Variants in VCAM1 observed in about 807,000 individuals in gnomAD.
VCAM1 encodes vascular cell adhesion molecule 1.
In VCAM1, 41 loss-of-function variants were observed where a neutral mutation model predicts 63.8. That is an observed-to-expected ratio of 0.64 (90% confidence interval 0.50 to 0.83). VCAM1 has a LOEUF of 0.83. Ranked by LOEUF, VCAM1 falls within the 40% of genes least tolerant of loss-of-function variation. The pLI is 0.00. For synonymous variants in VCAM1, 338 were observed against 320.7 expected, an observed-to-expected ratio of 1.05 and a Z score of -0.58; for missense variants, 798 against 875.5, an observed-to-expected ratio of 0.91 and a Z score of 1.12.
rs1377884568 is a variant in VCAM1, at chr1:100,734,672, A to G, written c.1963A>G (p.Ile655Val). 1 of 1,614,038 alleles carries G rather than the reference A, an allele frequency of 6.2e-7. No individual in the cohort carries two copies. Among genetic ancestry groups the G allele is most frequent in the East Asian group, 2.2e-5 (1 of 44,866 alleles). ...AAAATCTATAGATGGCGCCTATACC[A>G]TCCGAAAGGCCCAGTTGAAGGATGC... ...VLKSIDGAYTIRKAQLKDAGV... is the reference protein window; with the variant it reads ...VLKSIDGAYTVRKAQLKDAGV... The change falls in exon 8 of 9, where the codon ATC becomes GTC. Residue 655 changes from isoleucine (I) to valine (V), a missense_variant. Ile to Val is a conservative substitution (Grantham distance 29, BLOSUM62 3). Coordinates refer to ENST00000294728, the MANE Select transcript of VCAM1 (RefSeq NM_001078.4).
At chr1:100,730,619 A>G (rs3917057) in intron 5 of VCAM1, among the ~76,000 whole-genome samples, 3,283 of 152,258 alleles carry the variant, frequency 0.022, 118 homozygotes, top group African/African-American at 0.075. Context: ...GAGAGACTGC[A>G]CAGCTCTGTA....
intron 8 of VCAM1, chr1:100,735,457 C>G (rs879565408): frequency 6.6e-6 from 1 of 152,220 alleles, no homozygotes; most frequent in Non-Finnish European, 1.5e-5. Context: ...CTTGGCTGAT[C>G]AGTATCACAC....
intron 8 of VCAM1, chr1:100,737,726 A>G (rs1660706873): frequency 6.4e-6 from 1 of 155,898 alleles, no homozygotes; most frequent in Non-Finnish European, 1.4e-5. Flanking sequence ...ATTTCAATTC[A>G]TGGTCATCAG....
In VCAM1 at chr1:100,720,551, G is replaced by T; in HGVS notation, c.140G>T (p.Cys47Phe). ...ATTGGTGACTCCGTCTCATTGACTTGCAGCACCACAGGCTGTGAGTCCCCA... is the reference window on the plus strand; with the variant it reads ...ATTGGTGACTCCGTCTCATTGACTTTCAGCACCACAGGCTGTGAGTCCCCA... ...AQIGDSVSLTCSTTGCESPFF... is the reference protein window; with the variant it reads ...AQIGDSVSLTFSTTGCESPFF... The change falls in exon 2 of 9, where the codon TGC becomes TTC. Residue 47 changes from cysteine to phenylalanine, a missense_variant. Transcript: ENST00000294728. The T allele has an allele frequency of 6.2e-7, 1 of 1,613,274 alleles. No homozygotes were observed. The highest frequency in any genetic ancestry group is 8.5e-7 in the Non-Finnish European group (1 of 1,179,520).
At position 100,723,318 on chromosome 1, in the gene VCAM1, T is replaced by G; in HGVS notation, c.639T>G (p.Ala213=). 3.7e-6 allele frequency: 6 copies of G among 1,612,606 alleles called. No homozygotes were observed. The highest frequency in any genetic ancestry group is 5.1e-6 in the Non-Finnish European group (6 of 1,179,018). The change falls in exon 3 of 9, where the codon GCT becomes GCG. Residue 213 remains alanine, a synonymous_variant. Coordinates refer to ENST00000294728, the MANE Select transcript of VCAM1 (RefSeq NM_001078.4). The stretch of plus-strand genomic sequence containing the variant: ...ATTCTGTGCCCACAGTAAGGCAGGC[T>G]GTAAAAGAATTGCAAGTCTACAGTA... ...EMDSVPTVRQ[A]VKELQVYISP... is the part of the protein sequence containing the mutation.
chr1:100,730,102 G>T (rs996613092), intron 5 of VCAM1, among the ~76,000 whole-genome samples: 2 of 151,738 alleles, frequency 1.3e-5, no homozygotes, highest in African/African-American at 4.8e-5. Context: ...TTTTTGAGGG[G>T]GTCACTCTGC....
At chr1:100,736,788 A>G (rs1034638190) in intron 8 of VCAM1, 1 of 152,280 alleles carries the variant, frequency 6.6e-6, no homozygotes, top group South Asian at 2.1e-4. Flanking sequence ...TTTTTCTTCA[A>G]TAATTTGAAA....
At chr1:100,733,795 A>G (rs1660551437) in intron 7 of VCAM1, among the ~76,000 whole-genome samples, 1 of 152,226 alleles carries the variant, frequency 6.6e-6, no homozygotes, top group South Asian at 2.1e-4. Flanking sequence ...AAACCTGTAA[A>G]GGCCTTTGTA....
In VCAM1 at chr1:100,732,367, T is replaced by G. The variant is rs1460566982; in HGVS notation, c.1526-51T>G. The G allele has an allele frequency of 2.0e-6, 3 of 1,487,498 alleles. No homozygotes were observed. In the African/African-American group the frequency reaches 4.3e-5, roughly 21 times the overall value. 92.1% of individuals were successfully genotyped at this position (1,487,498 alleles called of 1,614,324 possible). ...GTTTTGCAACATTATTAAAACTCTT[T>G]GGAACTCAGGGCATAATAGGTCAAG... On this transcript the variant is annotated intron_variant, in intron 6 of 8. Transcript: ENST00000294728.
chr1:100,737,015 A>G (rs1387370710), intron 8 of VCAM1: 1 of 152,194 alleles, frequency 6.6e-6, no homozygotes, highest in Non-Finnish European at 1.5e-5. Context: ...AGTAAATGAC[A>G]CACTATCTTC....
chr1:100,724,364 G>C (rs1046514599), intron 3 of VCAM1, among the ~76,000 whole-genome samples: 1 of 152,030 alleles, frequency 6.6e-6, no homozygotes, highest in African/African-American at 2.4e-5. Context: ...TTACCCTTAA[G>C]TGGGAGGTTA....
chr1:100,724,655 T>G lies in VCAM1; in HGVS notation c.693T>G (p.Asn231Lys), dbSNP rs543057527. 1 of 1,612,974 alleles carries G rather than the reference T, an allele frequency of 6.2e-7. No individual in the cohort carries two copies. The highest frequency in any genetic ancestry group is 1.1e-5 in the South Asian group (1 of 91,042). Residue 231 changes from asparagine (N) to lysine (K), a missense_variant, in exon 4 of 9, where the codon AAT becomes AAG. By Grantham distance (94) the Asn-to-Lys change is moderately conservative. Transcript: ENST00000294728. ...ISPKNTVISV[N>K]PSTKLQEGGS... ...CCAAGAATACAGTTATTTCTGTGAA[T>G]CCATCCACAAAGCTGCAAGAAGGTG...
chr1:100,723,785 A>G (rs1660055819), intron 3 of VCAM1, among the ~76,000 whole-genome samples: 1 of 152,010 alleles, frequency 6.6e-6, no homozygotes, highest in African/African-American at 2.4e-5. Context: ...ATGCATATGC[A>G]CATACATACA....
At position 100,731,870 on chromosome 1, in the gene VCAM1, T is replaced by C. The variant is rs1486678456; in HGVS notation, c.1525+352T>C. ...TGTCTGGAGCCATATCTTGGATGAC[T>C]TGGCCTCTCTTTCTTTATGTGGTGT... On this transcript the variant is annotated intron_variant, in intron 6 of 8. Coordinates refer to ENST00000294728, the MANE Select transcript of VCAM1 (RefSeq NM_001078.4). The surrounding 1 kb of genome is among the most constrained non-coding windows in gnomAD (Gnocchi z 4.2). 6.6e-6 allele frequency among the ~76,000 whole-genome samples: 1 copy of C among 152,168 alleles called. No individual in the cohort carries two copies. Among genetic ancestry groups the C allele is most frequent in the Non-Finnish European group, 1.5e-5 (1 of 68,016 alleles).
chr1:100,720,899 G>T, intron 2 of VCAM1, 148 bp downstream of exon 2: 1 of 976,910 alleles, frequency 1.0e-6, no homozygotes, highest in South Asian at 1.9e-5. Flanking sequence ...GCTAGGGACA[G>T]CTAAGGCCAA....
Position 100,729,263 on chromosome 1 carries a change from A to AG in VCAM1, c.1089dup (p.Thr364AspfsTer13), listed in dbSNP as rs1660311818. 3 of 1,613,564 alleles carry AG rather than the reference A, an allele frequency of 1.9e-6. No homozygotes were observed. The highest frequency in any genetic ancestry group is 2.5e-6 in the Non-Finnish European group (3 of 1,179,706). ...CCTCTGAGCGGGAAGGTGAGGAGTGAGGGGACCAATTCCACGCTGACCCTG... is the reference window on the plus strand; with the variant it reads ...CCTCTGAGCGGGAAGGTGAGGAGTGAGGGGGACCAATTCCACGCTGACCCTG... On this transcript the variant is annotated frameshift_variant, in exon 5 of 9. Transcript: ENST00000294728. LOFTEE classifies it high-confidence loss of function.
At chr1:100,720,232 A>G (rs912350401) in intron 1 of VCAM1, among the ~76,000 whole-genome samples, 38 of 152,072 alleles carry the variant, frequency 2.5e-4, no homozygotes, top group African/African-American at 8.0e-4. Context: ...CAAACTTAGC[A>G]AATAACAAAA....
chr1:100,734,755 A>G lies in VCAM1; in HGVS notation c.2046A>G (p.Thr682=). 2 of 1,613,628 alleles carry G rather than the reference A, an allele frequency of 1.2e-6. No homozygotes were observed. The highest frequency in any genetic ancestry group is 8.5e-7 in the Non-Finnish European group (1 of 1,179,734). Residue 682 remains threonine, a synonymous_variant, in exon 8 of 9, where the codon ACA becomes ACG. Transcript: ENST00000294728. ...TTGGCTCACAATTAAGAAGTTTAAC[A>G]CTTGATGTTCAAGGTGAGTTTGTTT... ...NKVGSQLRSL[T]LDVQGRENNK...
intron 4 of VCAM1, among the ~76,000 whole-genome samples, chr1:100,728,441 C>T (rs776507557): frequency 1.3e-5 from 2 of 151,948 alleles, no homozygotes; most frequent in Admixed American, 6.6e-5. Context: ...TTTTCCAGTA[C>T]CTCTTTTAGA....
Sources: gnomAD v4.1 joint callset for allele counts (sites outside exome capture counted in the v4.1 genomes callset) on GRCh38, gnomAD v4.1.1 for gene constraint, Gnocchi (gnomAD v3.1) non-coding constraint, MANE v1.5 for transcripts, NCBI Gene and HGNC (gene_info 2026-07-23, HGNC 2026-07-21) for gene names.